The following PKHD1L1 variants were observed in gnomAD, a reference collection of about 807,000 sequenced individuals.
PKHD1L1 encodes the protein fibrocystin-L.
PKHD1L1 carries 434 observed loss-of-function variants against 462.9 expected under a neutral mutation model. The observed-to-expected ratio is 0.94, with a 90% CI of 0.87 to 1.02. The LOEUF is 1.02. Among genes scored for constraint, PKHD1L1 ranks in the 50% least tolerant of loss-of-function variants. PKHD1L1 has a pLI of 0.00. For missense variants in PKHD1L1, 5,202 were observed against 5,096.1 expected (o/e 1.02, Z -0.63); for synonymous variants, 1,781 against 1,750.0 (o/e 1.02, Z -0.44).
chr8:109,503,246 A>G (rs910532616), intron 67 of PKHD1L1, among the ~76,000 whole-genome samples: 44 of 73,552 alleles, frequency 6.0e-4, no homozygotes, highest in African/African-American at 2.2e-3. Context: ...CGGAGGTTGC[A>G]AGGAGCCATG....
At chr8:109,409,555 T>C (rs1331925506) in intron 18 of PKHD1L1, among the ~76,000 whole-genome samples, 1 of 152,180 alleles carries the variant, frequency 6.6e-6, no homozygotes, top group East Asian at 1.9e-4. Flanking sequence ...TACTAATTAA[T>C]TTAGGTTTGC....
At position 109,475,226 on chromosome 8, in the gene PKHD1L1, A is replaced by T. The variant is rs777545113; in HGVS notation, c.8714A>T (p.His2905Leu). The change falls in exon 51 of 78, where the codon CAC becomes CTC. Residue 2905 changes from histidine to leucine, a missense_variant. His to Leu is a moderately conservative substitution (Grantham distance 99). Transcript: ENST00000378402. ...AACTGGTATTTTAAAGGTGTGGATC[A>T]CATAACCAACATTTCATATACATCG... is the stretch of plus-strand genomic sequence containing the variant. ...HINWYFKGVD[H>L]ITNISYTSTF... The T allele has an allele frequency of 6.2e-7, 1 of 1,610,760 alleles. No individual in the cohort carries two copies. Among genetic ancestry groups the T allele is most frequent in the Non-Finnish European group, 8.5e-7 (1 of 1,178,034 alleles).
In PKHD1L1 at chr8:109,401,529, C is replaced by A; in HGVS notation, c.1314C>A (p.Asn438Lys). 6.3e-7 allele frequency: 1 copy of A among 1,595,050 alleles called. No individual in the cohort carries two copies. ...TTGCATATCATTCTGCTAATGCCAA[C>A]AGTTATTTTTCCAGTCCAACACAAA... ...VRIAYHSANA[N>K]SYFSSPTQRS... Residue 438 changes from asparagine (N) to lysine (K), a missense_variant, in exon 14 of 78, where the codon AAC becomes AAA. By Grantham distance (94) the Asn-to-Lys change is moderately conservative (BLOSUM62 0). Coordinates refer to ENST00000378402, the MANE Select transcript of PKHD1L1 (RefSeq NM_177531.6).
At chr8:109,510,519 A>G (rs866210937) in intron 70 of PKHD1L1, among the ~76,000 whole-genome samples, 4 of 152,136 alleles carry the variant, frequency 2.6e-5, no homozygotes, top group African/African-American at 7.2e-5. Context: ...TTATTAACAC[A>G]TTAATGTACC....
chr8:109,533,760 A>G lies in PKHD1L1; in HGVS notation c.*3670A>G, dbSNP rs909451532. Among the ~76,000 whole-genome samples the G allele has an allele frequency of 6.6e-6, 1 of 152,106 alleles. No homozygotes were observed. The highest frequency in any genetic ancestry group is 2.4e-5 in the African/African-American group (1 of 41,374). On this transcript the variant is annotated 3_prime_UTR_variant, in exon 78 of 78. Coordinates refer to ENST00000378402, the MANE Select transcript of PKHD1L1 (RefSeq NM_177531.6). ...ATAACTTGTGTTAGAAAATCTCCTT[A>G]CTAAAAATCTACAGAAAAATCTTGA...
rs1817364366 is a variant in PKHD1L1 at position 109,465,083 on chromosome 8, T to C, written c.8251T>C (p.Cys2751Arg). ...CTTTATGAACTTTGACCGTCCCAAC[T>C]GTGTAGCTTTGGGAGTGACATCCAT... ...VHFMNFDRPN[C>R]VALGVTSISG... The change falls in exon 49 of 78, where the codon TGT becomes CGT. Residue 2751 changes from cysteine to arginine, a missense_variant. Physicochemically the swap from Cys to Arg is radical, Grantham distance 180. Coordinates refer to ENST00000378402, the MANE Select transcript of PKHD1L1 (RefSeq NM_177531.6). The C allele has an allele frequency of 6.2e-7, 1 of 1,613,858 alleles. No individual in the cohort carries two copies. Among genetic ancestry groups the C allele is most frequent in the East Asian group, 2.2e-5 (1 of 44,870 alleles).
chr8:109,443,962 A>G, intron 37 of PKHD1L1, 60 bp downstream of exon 37: 1 of 1,380,102 alleles, frequency 7.2e-7, no homozygotes, highest in Non-Finnish European at 1.0e-6. Flanking sequence ...AAGTATTTTG[A>G]CGATAACCTT....
intron 52 of PKHD1L1, 39 bp from the exon 53 acceptor site, chr8:109,477,186 T>G: frequency 1.9e-6 from 3 of 1,604,478 alleles, no homozygotes; most frequent in Non-Finnish European, 2.6e-6. Context: ...AGTACTTTGG[T>G]CACTATGTTC....
At chr8:109,413,090 A>G (rs1409047213) in intron 20 of PKHD1L1, among the ~76,000 whole-genome samples, 1 of 152,068 alleles carries the variant, frequency 6.6e-6, no homozygotes, top group Non-Finnish European at 1.5e-5. Flanking sequence ...TGTGCATTGG[A>G]CTTTTAAATT....
At chr8:109,414,678 T>C (rs1316406664) in intron 21 of PKHD1L1, among the ~76,000 whole-genome samples, 1 of 152,108 alleles carries the variant, frequency 6.6e-6, no homozygotes, top group Admixed American at 6.6e-5. Context: ...TAGAACTCTG[T>C]AACTCAGAAC....
intron 50 of PKHD1L1, among the ~76,000 whole-genome samples, chr8:109,472,915 G>A (rs1016379640): frequency 7.9e-5 from 12 of 151,196 alleles, no homozygotes; most frequent in Admixed American, 1.3e-4. Context: ...TTTTACACAC[G>A]TCCATATATA....
chr8:109,528,401 C>T (rs1246530751), intron 77 of PKHD1L1, among the ~76,000 whole-genome samples: 1 of 152,146 alleles, frequency 6.6e-6, no homozygotes, highest in African/African-American at 2.4e-5. Context: ...ATCTCAAATC[C>T]TCAACTATTC....
At chr8:109,365,888 C>A (rs1442113794) in intron 2 of PKHD1L1, among the ~76,000 whole-genome samples, 13 of 152,142 alleles carry the variant, frequency 8.5e-5, no homozygotes, top group Non-Finnish European at 7.4e-5. Context: ...GCAGAAGAAT[C>A]GCTTGAACCC....
chr8:109,517,162 C>G (rs1234325879), intron 72 of PKHD1L1, among the ~76,000 whole-genome samples: 2 of 152,108 alleles, frequency 1.3e-5, no homozygotes, highest in East Asian at 3.8e-4. Context: ...TGCCCTCTTA[C>G]AGATAAATGT....
intron 20 of PKHD1L1, among the ~76,000 whole-genome samples, chr8:109,412,662 G>T (rs972655174): frequency 5.3e-5 from 8 of 151,404 alleles, no homozygotes; most frequent in African/African-American, 1.7e-4. Flanking sequence ...TTTAATTTCA[G>T]AAAAAAATAT....
chr8:109,386,753 AT>A (rs1174544594), intron 6 of PKHD1L1, among the ~76,000 whole-genome samples: 8 of 152,186 alleles, frequency 5.3e-5, no homozygotes, highest in African/African-American at 1.9e-4. Context: ...TTATATTCTA[AT>A]TCTTAGACAG....
At position 109,508,167 on chromosome 8, in the gene PKHD1L1, T is replaced by C. The variant is rs1396749296; in HGVS notation, c.11298T>C (p.Tyr3766=). The change falls in exon 70 of 78, where the codon TAT becomes TAC. Residue 3766 remains tyrosine, a synonymous_variant. Transcript: ENST00000378402. The part of the protein sequence containing the change: ...WQSYQCFGME[Y]AMMVIESLDP... Reference sequence around the variant, plus strand: ...GCTATCAGTGCTTTGGGATGGAATATGCAATGATGGTTATTGAAAGTCTGG... The same window carrying C: ...GCTATCAGTGCTTTGGGATGGAATACGCAATGATGGTTATTGAAAGTCTGG... 6.2e-7 allele frequency: 1 copy of C among 1,613,144 alleles called. No homozygotes were observed. Among genetic ancestry groups the C allele is most frequent in the East Asian group, 2.2e-5 (1 of 44,864 alleles).
chr8:109,512,961 A>G (rs1366867345), intron 71 of PKHD1L1, among the ~76,000 whole-genome samples: 201 of 152,136 alleles, frequency 1.3e-3, no homozygotes, highest in African/African-American at 4.7e-3. Context: ...TGAAGCAATT[A>G]TGAATGGGAG....
chr8:109,464,762 G>A lies in PKHD1L1; in HGVS notation c.7930G>A (p.Ala2644Thr). ...GGGATCTTGTACATCTACAGTGCCT[G>A]CACCTGCAATATTTAACTCACTTAC... ...QTGSCTSTVP[A>T]PAIFNSLTTW... is the part of the protein sequence containing the mutation. Residue 2644 changes from alanine to threonine, a missense_variant, in exon 49 of 78, where the codon GCA (alanine) becomes ACA (threonine). Ala to Thr is a moderately conservative substitution (Grantham distance 58, BLOSUM62 0). Transcript: ENST00000378402. The A allele has an allele frequency of 3.1e-6, 5 of 1,613,824 alleles. No individual in the cohort carries two copies. Among genetic ancestry groups the A allele is most frequent in the Non-Finnish European group, 2.5e-6 (3 of 1,179,810 alleles).
Sources: allele counts gnomAD v4.1 joint callset (sites outside exome capture counted in the v4.1 genomes callset), GRCh38; gene constraint gnomAD v4.1.1; transcripts MANE v1.5; gene names NCBI Gene and HGNC (gene_info 2026-07-23, HGNC 2026-07-21).